The following OTUD7B variants were observed in gnomAD, a reference collection of about 807,000 sequenced individuals.
OTUD7B encodes OTU deubiquitinase 7B.
Under a neutral mutation model 82.2 loss-of-function variants are expected in OTUD7B, and 34 were observed. The observed-to-expected ratio is 0.41, with a 90% confidence interval of 0.31 to 0.55. OTUD7B has a LOEUF of 0.55. OTUD7B is among the 20% of genes least tolerant of loss of function. The probability of loss-of-function intolerance (pLI) is 0.20; values close to 1 mark genes in which losing one functional copy is unlikely to be tolerated. For missense variants in OTUD7B, 944 were observed against 1,062.1 expected, an observed-to-expected ratio of 0.89 and a Z score of 1.55; for synonymous variants, 398 against 402.7, an observed-to-expected ratio of 0.99 and a Z score of 0.14.
chr1:149,971,421 ATG>A (rs1303758926), intron 2 of OTUD7B, among the ~76,000 whole-genome samples, 170 bp from the exon 3 acceptor site: 1 of 151,942 alleles, frequency 6.6e-6, no homozygotes, highest in Non-Finnish European at 1.5e-5. Flanking sequence ...AACTTATCAA[ATG>A]TCTTTACTTA....
At chr1:149,952,177 C>T (rs1553773628) in intron 7 of OTUD7B, among the ~76,000 whole-genome samples, 1 of 151,564 alleles carries the variant, frequency 6.6e-6, no homozygotes, top group Non-Finnish European at 1.5e-5. Context: ...TTAGATATAT[C>T]TCCTAATGCT....
At chr1:150,054,202 A>C in the OTUD7B span, 6 of 416,992 alleles carry the variant, frequency 1.4e-5, no homozygotes, top group African/African-American at 1.2e-4. Flanking sequence ...AAATGCCTAC[A>C]TATTATCTTA....
the OTUD7B span, among the ~76,000 whole-genome samples, chr1:150,035,957 G>GTTTT: frequency 6.0e-4 from 80 of 134,218 alleles, 2 homozygotes; most frequent in South Asian, 3.2e-3. Flanking sequence ...CATTGTAACT[G>GTTTT]TTTTTTTTTT....
Position 149,946,504 on chromosome 1 carries a change from G to A in OTUD7B, c.1323+747C>T, listed in dbSNP as rs923100961. Among the ~76,000 whole-genome samples, 6 of 152,102 alleles carry A rather than the reference G, an allele frequency of 3.9e-5. No homozygotes were observed. The East Asian group carries it at 9.6e-4, about 24-fold the overall frequency. ...TGCCTGTAATCCCAGAACTTTGGGAGGCCAAGGTGGGTGGATCACCTGAGG... is the reference window on the plus strand; with the variant it reads ...TGCCTGTAATCCCAGAACTTTGGGAAGCCAAGGTGGGTGGATCACCTGAGG... On this transcript the variant is annotated intron_variant, in intron 11 of 11. Coordinates refer to ENST00000581312, the MANE Select transcript of OTUD7B (RefSeq NM_020205.4).
At chr1:150,034,935 G>A in the OTUD7B span, among the ~76,000 whole-genome samples, 60 of 152,120 alleles carry the variant, frequency 3.9e-4, no homozygotes, top group African/African-American at 1.4e-3. Context: ...CTGAAATCAG[G>A]AGTTTGAGAC....
At chr1:150,051,145 C>A in the OTUD7B span, among the ~76,000 whole-genome samples, 1 of 144,450 alleles carries the variant, frequency 6.9e-6, no homozygotes, top group Non-Finnish European at 1.5e-5. Context: ...AGGAGAATCG[C>A]TTGAACCCAG....
At chr1:150,021,208 G>A in the OTUD7B span, among the ~76,000 whole-genome samples, 1 of 152,066 alleles carries the variant, frequency 6.6e-6, no homozygotes, top group Non-Finnish European at 1.5e-5. Context: ...ACTTCTAGTA[G>A]GAAACATGTT....
intron 1 of OTUD7B, among the ~76,000 whole-genome samples, chr1:150,003,887 C>A (rs1652475495): frequency 6.6e-6 from 1 of 152,184 alleles, no homozygotes; most frequent in South Asian, 2.1e-4. Flanking sequence ...AGCTCACACC[C>A]AGGACAGCCT....
chr1:150,020,207 G>T, the OTUD7B span, among the ~76,000 whole-genome samples: 4 of 151,496 alleles, frequency 2.6e-5, no homozygotes, highest in Non-Finnish European at 5.9e-5. Context: ...AGCAGGGAAA[G>T]AATTCTTCAC....
At chr1:150,042,135 C>G in the OTUD7B span, among the ~76,000 whole-genome samples, 1 of 124,362 alleles carries the variant, frequency 8.0e-6, no homozygotes, top group African/African-American at 3.0e-5. Flanking sequence ...CCCTCCCTCC[C>G]TCCCTCCCTT....
chr1:150,012,537 A>G (rs1653124653), upstream of OTUD7B, among the ~76,000 whole-genome samples: 1 of 152,212 alleles, frequency 6.6e-6, no homozygotes, highest in East Asian at 1.9e-4. Context: ...TTATACCCAT[A>G]TAAATATGTC....
chr1:150,047,205 G>A, the OTUD7B span, among the ~76,000 whole-genome samples: 1 of 152,274 alleles, frequency 6.6e-6, no homozygotes, highest in South Asian at 2.1e-4. Context: ...CCACCTCAGG[G>A]ATTTAGCAAT....
chr1:149,970,806 A>G (rs1181161314), intron 3 of OTUD7B, among the ~76,000 whole-genome samples: 3 of 152,168 alleles, frequency 2.0e-5, no homozygotes, highest in Non-Finnish European at 4.4e-5. Flanking sequence ...TATATCAACA[A>G]GGAGATTGTT....
intron 1 of OTUD7B, among the ~76,000 whole-genome samples, chr1:149,978,700 C>T (rs587753790): frequency 6.6e-6 from 1 of 152,312 alleles, no homozygotes; most frequent in African/African-American, 2.4e-5. Context: ...TCTCTTCTTT[C>T]AGACTTTGGC....
intron 9 of OTUD7B, 118 bp downstream of exon 9, chr1:149,949,511 C>T: frequency 1.9e-6 from 2 of 1,038,156 alleles, no homozygotes; most frequent in Non-Finnish European, 2.8e-6. Flanking sequence ...CTTAATAAAA[C>T]AGTATCAACA....
At chr1:150,054,852 C>A in the OTUD7B span, 1 of 174,232 alleles carries the variant, frequency 5.7e-6, no homozygotes, top group Non-Finnish European at 1.2e-5. Context: ...GCCCAGACAC[C>A]AGGAACGTGA....
At chr1:150,052,367 C>T in the OTUD7B span, among the ~76,000 whole-genome samples, 1 of 152,162 alleles carries the variant, frequency 6.6e-6, no homozygotes, top group South Asian at 2.1e-4. Flanking sequence ...CTCCTATACA[C>T]CAACAACAGT....
intron 6 of OTUD7B, chr1:149,963,828 C>G (rs16841141): frequency 0.018 from 2,944 of 165,494 alleles, 79 homozygotes; most frequent in African/African-American, 0.064. Context: ...AAGATTTTAA[C>G]CATTCACATT....
intron 1 of OTUD7B, among the ~76,000 whole-genome samples, chr1:149,994,337 C>T (rs587697290): frequency 7.7e-4 from 117 of 152,230 alleles, no homozygotes; most frequent in South Asian, 1.4e-3. Flanking sequence ...AATCCCAGCA[C>T]TTTGGGAGGC....
Sources: allele counts gnomAD v4.1 joint callset (sites outside exome capture counted in the v4.1 genomes callset), GRCh38; gene constraint gnomAD v4.1.1; transcripts MANE v1.5; gene names NCBI Gene and HGNC (gene_info 2026-07-23, HGNC 2026-07-21).